Variants in CNNM2 observed in about 807,000 individuals in gnomAD.
CNNM2 encodes the protein cyclin and CBS domain divalent metal cation transport mediator 2.
Under a neutral mutation model 66.9 loss-of-function variants are expected in CNNM2, and 12 were observed. The observed-to-expected ratio is 0.18, with a 90% CI of 0.11 to 0.29. CNNM2 has a LOEUF of 0.29. CNNM2 is among the 10% of genes least tolerant of loss of function. The pLI, the probability that CNNM2 is intolerant of heterozygous loss-of-function variation, is 1.00. For synonymous variants in CNNM2, 557 were observed against 501.8 expected (o/e 1.11, Z -1.47); for missense variants, 705 against 1,167.7 (o/e 0.60, Z 5.77).
At chr10:103,063,339 C>T (rs2065420535) in intron 4 of CNNM2, among the ~76,000 whole-genome samples, 1 of 152,158 alleles carries the variant, frequency 6.6e-6, no homozygotes, top group Non-Finnish European at 1.5e-5. Context: ...GGCATCTCAT[C>T]ACCTGCTTTC....
rs2065799451 is a variant in CNNM2, at chr10:103,085,703, AAC to A, written c.*8525_*8526del. 1 of 152,212 alleles carries A rather than the reference AAC, an allele frequency of 6.6e-6. No individual in the cohort carries two copies. 9.4% of individuals were successfully genotyped at this position (152,212 alleles called of 1,614,324 possible). A position where few individuals can be genotyped will look rare whatever the true frequency, so the allele number is the denominator to read the frequency against. ...GGAAAACATAGATTCCTCATCCTTA[AAC>A]AGAGTCAGCAAGTTTGAGATGAAAT... On this transcript the variant is annotated 3_prime_UTR_variant, in exon 8 of 8. Coordinates refer to ENST00000369878, the MANE Select transcript of CNNM2 (RefSeq NM_017649.5).
intron 1 of CNNM2, among the ~76,000 whole-genome samples, chr10:102,939,694 G>A (rs1180493193): frequency 2.0e-5 from 3 of 152,022 alleles, no homozygotes; most frequent in Non-Finnish European, 4.4e-5. Context: ...ATAAAGAACT[G>A]GCGGCCAGGC....
At chr10:102,930,444 G>C (rs1846026401) in intron 1 of CNNM2, among the ~76,000 whole-genome samples, 1 of 152,142 alleles carries the variant, frequency 6.6e-6, no homozygotes, top group South Asian at 2.1e-4. Context: ...TATGAATCCT[G>C]ATCTTGTGAA....
rs543107242 is a variant in CNNM2 at position 102,973,266 on chromosome 10, A to G, written c.1621+53165A>G. 1.9e-4 allele frequency among the ~76,000 whole-genome samples: 29 copies of G among 151,886 alleles called. No homozygotes were observed. The East Asian group carries it at 5.4e-3, about 28-fold the overall frequency. ...CCCAGACCATGATTCTGATTAAATC[A>G]CTGCTATATGCAATAACTTTTTTTT... On this transcript the variant is annotated intron_variant, in intron 1 of 7. Coordinates refer to ENST00000369878, the MANE Select transcript of CNNM2 (RefSeq NM_017649.5).
At chr10:103,051,996 G>A (rs1445433090) in intron 2 of CNNM2, among the ~76,000 whole-genome samples, 8 of 151,586 alleles carry the variant, frequency 5.3e-5, no homozygotes, top group African/African-American at 2.4e-5. Context: ...ACCAACTGTG[G>A]CTGGGCGTGG....
intron 1 of CNNM2, among the ~76,000 whole-genome samples, chr10:103,019,268 CAAAAA>C (rs545630160): frequency 1.6e-5 from 1 of 63,610 alleles, no homozygotes; most frequent in Non-Finnish European, 3.3e-5. Context: ...GACCCTGTCT[CAAAAA>C]AAAAAAAAAA....
At chr10:103,059,919 G>A (rs777137122) in intron 4 of CNNM2, among the ~76,000 whole-genome samples, 18 of 151,824 alleles carry the variant, frequency 1.2e-4, no homozygotes, top group Non-Finnish European at 2.1e-4. Context: ...AGATAGGATC[G>A]TTTGAGGCCA....
intron 2 of CNNM2, among the ~76,000 whole-genome samples, chr10:103,050,436 C>G (rs910654180): frequency 6.6e-6 from 1 of 151,352 alleles, no homozygotes; most frequent in African/African-American, 2.4e-5. Context: ...ACTCTGGAGG[C>G]TAAAGCAGGA....
At chr10:103,071,187 A>G (rs76314656) in intron 5 of CNNM2, among the ~76,000 whole-genome samples, 34 of 152,326 alleles carry the variant, frequency 2.2e-4, no homozygotes, top group Non-Finnish European at 3.8e-4. Flanking sequence ...AGACTTTTCA[A>G]TCTGATGGGG....
chr10:102,972,244 G>C (rs1158480896), intron 1 of CNNM2, among the ~76,000 whole-genome samples: 1 of 152,062 alleles, frequency 6.6e-6, no homozygotes, highest in Non-Finnish European at 1.5e-5. Context: ...ATTTTTTTCA[G>C]CATATATGCT....
intron 1 of CNNM2, among the ~76,000 whole-genome samples, chr10:102,992,761 A>T (rs1007472894): frequency 1.3e-5 from 2 of 152,206 alleles, no homozygotes; most frequent in African/African-American, 4.8e-5. Flanking sequence ...CTTTGGAGTC[A>T]GCCCTGTATT....
At position 102,919,260 on chromosome 10, in the gene CNNM2, C is replaced by A. The variant is rs1260689817; in HGVS notation, c.780C>A (p.Ile260=). ...TGCTGCCCTTCTGGCTGCAGGTGAT[C>A]TTCATTTCGCTGCTGCTGTGCCTGT... The part of the protein sequence containing the change: ...KFLLPFWLQV[I]FISLLLCLSG... Residue 260 remains isoleucine, a synonymous_variant, in exon 1 of 8, where the codon ATC becomes ATA. Coordinates refer to ENST00000369878, the MANE Select transcript of CNNM2 (RefSeq NM_017649.5). The A allele has an allele frequency of 1.2e-6, 2 of 1,613,830 alleles. No individual in the cohort carries two copies. Among genetic ancestry groups the A allele is most frequent in the African/African-American group, 2.7e-5 (2 of 75,066 alleles).
intron 1 of CNNM2, among the ~76,000 whole-genome samples, chr10:102,957,440 G>A (rs1158296649): frequency 6.6e-6 from 1 of 152,174 alleles, no homozygotes; most frequent in Non-Finnish European, 1.5e-5. Context: ...GGCTGGAAAC[G>A]TAAATTGGTT....
chr10:102,980,202 C>G (rs1334961235), intron 1 of CNNM2, among the ~76,000 whole-genome samples: 1 of 152,186 alleles, frequency 6.6e-6, no homozygotes, highest in East Asian at 1.9e-4. Context: ...CTCGGCCTCC[C>G]AGAGTGCTGG....
rs1187364249 is a variant in CNNM2 at position 102,989,823 on chromosome 10, G to A, written c.1622-59884G>A. ...ATCTCAAAATAAAATACAATTTGGGGTTTCTTAATGCCTATACTCCTTTGT... is the reference window on the plus strand; with the variant it reads ...ATCTCAAAATAAAATACAATTTGGGATTTCTTAATGCCTATACTCCTTTGT... On this transcript the variant is annotated intron_variant, in intron 1 of 7. Transcript: ENST00000369878. Among the ~76,000 whole-genome samples, 3 of 151,730 alleles carry A rather than the reference G, an allele frequency of 2.0e-5. No homozygotes were observed. In the East Asian group the frequency reaches 5.8e-4, roughly 29 times the overall value.
intron 1 of CNNM2, among the ~76,000 whole-genome samples, chr10:102,959,407 A>G (rs1354848533): frequency 6.6e-6 from 1 of 152,200 alleles, no homozygotes; most frequent in Non-Finnish European, 1.5e-5. Flanking sequence ...TGCTGTAGTT[A>G]ACACTCTCAG....
chr10:102,998,218 C>A (rs576851525), intron 1 of CNNM2, among the ~76,000 whole-genome samples: 1 of 152,142 alleles, frequency 6.6e-6, no homozygotes, highest in South Asian at 2.1e-4. Context: ...GGGTGTTCAG[C>A]GAATGCATAC....
At position 103,010,427 on chromosome 10, in the gene CNNM2, G is replaced by A. The variant is rs946111604; in HGVS notation, c.1622-39280G>A. Among the ~76,000 whole-genome samples, 27 of 151,416 alleles carry A rather than the reference G, an allele frequency of 1.8e-4. 1 individual carries two copies. Among genetic ancestry groups the A allele is most frequent in the Admixed American group, 1.4e-3 (22 of 15,204 alleles). ...TAATTTTTTGTAGAGATGGGGTTTC[G>A]CCATGTTGCCCAGGCTGGTGTTGAA... On this transcript the variant is annotated intron_variant, in intron 1 of 7. Coordinates refer to ENST00000369878, the MANE Select transcript of CNNM2 (RefSeq NM_017649.5).
At chr10:102,999,962 A>C (rs1262987523) in intron 1 of CNNM2, among the ~76,000 whole-genome samples, 1 of 152,194 alleles carries the variant, frequency 6.6e-6, no homozygotes, top group Non-Finnish European at 1.5e-5. Context: ...ATAGCTGGGC[A>C]TGGTGGCTCA....
Sources: allele counts gnomAD v4.1 joint callset (sites outside exome capture counted in the v4.1 genomes callset), GRCh38; gene constraint gnomAD v4.1.1; transcripts MANE v1.5; gene names NCBI Gene and HGNC (gene_info 2026-07-23, HGNC 2026-07-21).